Variants in BLM observed in about 807,000 individuals in gnomAD.
BLM encodes recQ-like DNA helicase BLM.
Under a neutral mutation model 135.3 loss-of-function variants are expected in BLM, and 95 were observed. The observed-to-expected ratio is 0.70, with a 90% CI of 0.59 to 0.83. The LOEUF (loss-of-function observed/expected upper bound fraction) is 0.83, where lower values mean the gene tolerates loss of function less well. Among genes scored for constraint, BLM ranks in the 40% least tolerant of loss-of-function variants. The pLI is 0.00. For synonymous variants in BLM, 520 were observed against 589.2 expected, an observed-to-expected ratio of 0.88 and a Z score of 1.70; for missense variants, 1,518 against 1,663.9, an observed-to-expected ratio of 0.91 and a Z score of 1.53.
At chr15:90,753,040 A>T (rs551476777) in intron 4 of BLM, among the ~76,000 whole-genome samples, 1 of 152,170 alleles carries the variant, frequency 6.6e-6, no homozygotes. Flanking sequence ...CGCAAATAAT[A>T]TAATCATTTT....
chr15:90,809,047 C>A, intron 19 of BLM, 90 bp from the exon 20 acceptor site: 1 of 1,563,450 alleles, frequency 6.4e-7, no homozygotes, highest in Non-Finnish European at 8.8e-7. Flanking sequence ...TGGCACTTAG[C>A]AGACGTGTGC....
chr15:90,804,071 TG>T, intron 18 of BLM, 95 bp from the exon 19 acceptor site: 1 of 1,157,888 alleles, frequency 8.6e-7, no homozygotes, highest in Non-Finnish European at 1.3e-6. Flanking sequence ...AGAATAGAAT[TG>T]CCCCCCAAAA....
chr15:90,717,656 C>A (rs2151122493), intron 1 of BLM, among the ~76,000 whole-genome samples: 1 of 152,336 alleles, frequency 6.6e-6, no homozygotes, highest in Non-Finnish European at 1.5e-5. Flanking sequence ...CGGGGGCGAA[C>A]TCTGCCAAGG....
intron 12 of BLM, among the ~76,000 whole-genome samples, chr15:90,782,160 A>T (rs1373589997): frequency 6.6e-6 from 1 of 152,096 alleles, no homozygotes; most frequent in Non-Finnish European, 1.5e-5. Flanking sequence ...GGCCAAGGCA[A>T]GTGGATTGCT....
intron 1 of BLM, among the ~76,000 whole-genome samples, chr15:90,740,645 C>G (rs1172790816): frequency 6.6e-6 from 1 of 152,026 alleles, no homozygotes; most frequent in Non-Finnish European, 1.5e-5. Context: ...TGCCTGTGTC[C>G]CCATTGAAAT....
chr15:90,765,331 T>C lies in BLM; in HGVS notation c.2110T>C (p.Cys704Arg). The C allele has an allele frequency of 6.2e-7, 1 of 1,613,710 alleles. No homozygotes were observed. Among genetic ancestry groups the C allele is most frequent in the Non-Finnish European group, 8.5e-7 (1 of 1,179,616 alleles). Residue 704 changes from cysteine (C) to arginine (R), a missense_variant, in exon 9 of 22, where the codon TGT becomes CGT. Cys to Arg is a radical substitution (Grantham distance 180, BLOSUM62 -3). This residue lies in a region of BLM where 626 missense variants were observed against 681.1 expected (regional missense o/e 0.92). Coordinates refer to ENST00000355112, the MANE Select transcript of BLM (RefSeq NM_000057.4). ...GKSLCYQLPA[C>R]VSPGVTVVIS... ...GAGTTTGTGTTACCAGCTCCCTGCCTGTGTTTCTCCTGGGGTCACTGTTGT... is the reference window on the plus strand; with the variant it reads ...GAGTTTGTGTTACCAGCTCCCTGCCCGTGTTTCTCCTGGGGTCACTGTTGT...
intron 21 of BLM, among the ~76,000 whole-genome samples, chr15:90,811,722 A>G (rs1016579105): frequency 6.6e-6 from 1 of 152,176 alleles, no homozygotes; most frequent in East Asian, 1.9e-4. Flanking sequence ...CAGTGGCACA[A>G]TCTCGGCTCA....
At position 90,794,131 on chromosome 15, in the gene BLM, A is replaced by G. The variant is rs535721691; in HGVS notation, c.3020-36A>G. The stretch of plus-strand genomic sequence containing the variant: ...CTATGATATGCTCTATTTTTCCCCT[A>G]TAAGTATGTCTTACTATAGTCTTCA... On this transcript the variant is annotated intron_variant, in intron 15 of 21. Coordinates refer to ENST00000355112, the MANE Select transcript of BLM (RefSeq NM_000057.4). The G allele has an allele frequency of 1.8e-4, 263 of 1,486,838 alleles. 4 individuals carry two copies. The Admixed American group carries it at 3.7e-3, about 21-fold the overall frequency. The allele number at this position is 1,486,838 out of a possible 1,614,324, so 92.1% of individuals were successfully genotyped here.
chr15:90,767,197 A>G (rs576146384), intron 10 of BLM, among the ~76,000 whole-genome samples, 174 bp downstream of exon 10: 1 of 152,208 alleles, frequency 6.6e-6, no homozygotes, highest in Non-Finnish European at 1.5e-5. Context: ...CTCTCTGCAT[A>G]TATTTTCCTG....
chr15:90,771,661 G>C (rs946998826), intron 12 of BLM, among the ~76,000 whole-genome samples: 4 of 140,146 alleles, frequency 2.9e-5, no homozygotes, highest in African/African-American at 1.1e-4. Context: ...AGCTGGTCTC[G>C]AACTCCTGGG....
At chr15:90,740,285 A>G (rs1895331036) in intron 1 of BLM, among the ~76,000 whole-genome samples, 1 of 152,166 alleles carries the variant, frequency 6.6e-6, no homozygotes. Flanking sequence ...CACTGTATCC[A>G]TGGATATGTC....
Position 90,763,004 on chromosome 15 carries a change from CATG to C in BLM, c.1923_1925del (p.His641_Glu642delinsGln). On this transcript the variant is annotated inframe_deletion, in exon 8 of 22. Coordinates refer to ENST00000355112, the MANE Select transcript of BLM (RefSeq NM_000057.4). ...AAATTTAGCATCCAGAAATCTGAAA[CATG>C]AGCGTTTCCAAAGTCTTAGTTTTCC... The C allele has an allele frequency of 6.2e-7, 1 of 1,613,556 alleles. No individual in the cohort carries two copies. The highest frequency in any genetic ancestry group is 8.5e-7 in the Non-Finnish European group (1 of 1,179,870).
chr15:90,720,618 AT>A (rs970478266), intron 1 of BLM, among the ~76,000 whole-genome samples: 13 of 149,506 alleles, frequency 8.7e-5, no homozygotes, highest in East Asian at 7.8e-4. Context: ...CACTTGAGGA[AT>A]TTTTTTTTTC....
At chr15:90,788,471 G>GTTTTTTTT (rs35158343) in intron 14 of BLM, among the ~76,000 whole-genome samples, 149 of 94,924 alleles carry the variant, frequency 1.6e-3, no homozygotes, top group Middle Eastern at 8.3e-3. Flanking sequence ...CCAGTGTTTT[G>GTTTTTTTT]TTTTTTTTTT....
chr15:90,811,208 A>G lies in BLM; in HGVS notation c.3878A>G (p.Glu1293Gly), dbSNP rs746979958. The change falls in exon 21 of 22, where the codon GAA (glutamate) becomes GGA (glycine). Residue 1293 changes from glutamate to glycine, a missense_variant. Transcript: ENST00000355112. ...QKYSEWTSPAEDSSPGISLSS... is the reference protein window; with the variant it reads ...QKYSEWTSPAGDSSPGISLSS... Reference sequence around the variant, plus strand: ...CATCTGCATTTTCCATTTGTAGCTGAAGACAGTTCCCCAGGGATAAGCCTG... The same window carrying G: ...CATCTGCATTTTCCATTTGTAGCTGGAGACAGTTCCCCAGGGATAAGCCTG... 3.0e-5 allele frequency: 49 copies of G among 1,612,998 alleles called. No homozygotes were observed. In the South Asian group the frequency reaches 4.3e-4, roughly 14 times the overall value.
At chr15:90,780,756 G>A (rs540041025) in intron 12 of BLM, among the ~76,000 whole-genome samples, 3 of 152,266 alleles carry the variant, frequency 2.0e-5, no homozygotes, top group East Asian at 1.9e-4. Context: ...GTATCCTCCC[G>A]CCAGGACAGA....
At chr15:90,732,414 A>G (rs1196347542) in intron 1 of BLM, among the ~76,000 whole-genome samples, 1 of 151,962 alleles carries the variant, frequency 6.6e-6, no homozygotes, top group African/African-American at 2.4e-5. Context: ...AAGTAGAAAT[A>G]TTATAATTCT....
At position 90,815,112 on chromosome 15, in the gene BLM, A is replaced by G. The variant is rs1897524369; in HGVS notation, c.4087A>G (p.Thr1363Ala). Residue 1363 changes from threonine (T) to alanine (A), a missense_variant, in exon 22 of 22, where the codon ACA becomes GCA. This residue lies in a region of BLM where 153 missense variants were observed against 173.4 expected (regional missense o/e 0.88). Transcript: ENST00000355112. The surrounding 1 kb of genome is among the most constrained non-coding windows in gnomAD (Gnocchi z 4.6). ...TTTGTCACATTTCAGGGGGTCTGCC[A>G]CATGTAGAAAGATATCTTCCAAAAC... ...SGSKAKGGSA[T>A]CRKISSKTKS... is the part of the protein sequence containing the mutation. The G allele has an allele frequency of 6.2e-7, 1 of 1,613,990 alleles. No individual in the cohort carries two copies. The highest frequency in any genetic ancestry group is 1.3e-5 in the African/African-American group (1 of 74,920).
At chr15:90,750,643 T>C (rs185392070) in intron 3 of BLM, among the ~76,000 whole-genome samples, 119 of 152,318 alleles carry the variant, frequency 7.8e-4, no homozygotes, top group African/African-American at 2.7e-3. Context: ...TCTCATCATA[T>C]AGGCATTTTT....
Sources: allele counts gnomAD v4.1 joint callset (sites outside exome capture counted in the v4.1 genomes callset), GRCh38; gene constraint gnomAD v4.1.1; regional missense constraint gnomAD v4.1.1; non-coding constraint Gnocchi (gnomAD v3.1); transcripts MANE v1.5; gene names NCBI Gene and HGNC (gene_info 2026-07-23, HGNC 2026-07-21).